The following MTAP variants were observed in gnomAD, a reference collection of about 807,000 sequenced individuals.
MTAP encodes the protein methylthioadenosine phosphorylase, also known as S-methyl-5'-thioadenosine phosphorylase.
In MTAP, 33 loss-of-function variants were observed where a neutral mutation model predicts 33.6. The observed-to-expected ratio is 0.98, with a 90% CI of 0.74 to 1.31. The LOEUF (loss-of-function observed/expected upper bound fraction) is 1.31. Among genes scored for constraint, MTAP ranks in the 40% most tolerant of loss-of-function variants. The probability of loss-of-function intolerance (pLI) is 0.00; values close to 1 mark genes in which losing one functional copy is unlikely to be tolerated. For missense variants in MTAP, 367 were observed against 360.0 expected, an observed-to-expected ratio of 1.02 and a Z score of -0.16; for synonymous variants, 148 against 125.7, an observed-to-expected ratio of 1.18 and a Z score of -1.19.
At chr9:21,852,064 TA>T (rs1825525081) in intron 5 of MTAP, among the ~76,000 whole-genome samples, 1 of 152,108 alleles carries the variant, frequency 6.6e-6, no homozygotes. Context: ...TACTTAGCCA[TA>T]AAAAAGAACA....
At chr9:21,938,060 C>G (rs1819068950), downstream of MTAP, among the ~76,000 whole-genome samples, 1 of 152,064 alleles carries the variant, frequency 6.6e-6, no homozygotes, top group African/African-American at 2.4e-5. Flanking sequence ...ATTGCCTGAG[C>G]TCAGGAGTTT....
At chr9:21,893,087 G>C (rs1818227131) in intron 1 of MTAP, 1 of 152,146 alleles carries the variant, frequency 6.6e-6, no homozygotes, top group African/African-American at 2.4e-5. Flanking sequence ...GAAAACAAAA[G>C]TACAACATAC....
chr9:21,905,151 G>C (rs1166522431), intron 1 of MTAP, among the ~76,000 whole-genome samples: 1 of 152,200 alleles, frequency 6.6e-6, no homozygotes, highest in Non-Finnish European at 1.5e-5. Flanking sequence ...AGGGTTTTCT[G>C]TATCCTGGGT....
At chr9:21,812,827 T>C (rs1400347914) in intron 1 of MTAP, among the ~76,000 whole-genome samples, 1 of 152,230 alleles carries the variant, frequency 6.6e-6, no homozygotes, top group Non-Finnish European at 1.5e-5. Context: ...GGGCACATCA[T>C]AGTGGTTAAG....
intron 4 of MTAP, among the ~76,000 whole-genome samples, chr9:21,818,890 T>G: frequency 6.6e-6 from 1 of 152,236 alleles, no homozygotes; most frequent in South Asian, 2.1e-4. Context: ...CCTGTCTAAC[T>G]GAAATTTTGT....
chr9:21,870,779 C>CTTT (rs777664959), downstream of MTAP, among the ~76,000 whole-genome samples: 4 of 131,028 alleles, frequency 3.1e-5, no homozygotes, highest in African/African-American at 5.6e-5. Flanking sequence ...ATTTTTTTTT[C>CTTT]TTTTTTTTTT....
At chr9:21,855,243 G>A (rs576761015) in intron 6 of MTAP, among the ~76,000 whole-genome samples, 1 of 152,306 alleles carries the variant, frequency 6.6e-6, no homozygotes, top group South Asian at 2.1e-4. Flanking sequence ...TGAGAGGGCT[G>A]TATGTTCACA....
At chr9:21,810,842 G>A (rs1824327978) in intron 1 of MTAP, among the ~76,000 whole-genome samples, 1 of 152,174 alleles carries the variant, frequency 6.6e-6, no homozygotes, top group Non-Finnish European at 1.5e-5. Flanking sequence ...GGGGTGTCTT[G>A]TCAGAGATGG....
downstream of MTAP, among the ~76,000 whole-genome samples, chr9:21,868,413 G>C: frequency 6.6e-6 from 1 of 152,148 alleles, no homozygotes; most frequent in East Asian, 1.9e-4. Flanking sequence ...ATACTTAAAT[G>C]GGTTAAGTAT....
chr9:21,827,257 C>A (rs1824845406), intron 4 of MTAP, among the ~76,000 whole-genome samples: 1 of 152,122 alleles, frequency 6.6e-6, no homozygotes, highest in Admixed American at 6.5e-5. Context: ...CATCCAATCA[C>A]CCTGCCTACC....
At chr9:21,876,524 C>T (rs184585361) in intron 1 of MTAP, among the ~76,000 whole-genome samples, 21 of 152,198 alleles carry the variant, frequency 1.4e-4, no homozygotes, top group African/African-American at 5.1e-4. Context: ...AGTCTTTAAT[C>T]CATCTTGAGT....
intron 2 of MTAP, among the ~76,000 whole-genome samples, chr9:21,815,918 G>A (rs113204768): frequency 3.2e-4 from 48 of 152,286 alleles, no homozygotes; most frequent in African/African-American, 4.6e-4. Context: ...TTATTGTTAC[G>A]AAGCGGCATT....
At chr9:21,830,891 C>T (rs1417132310) in intron 4 of MTAP, among the ~76,000 whole-genome samples, 1 of 152,180 alleles carries the variant, frequency 6.6e-6, no homozygotes, top group African/African-American at 2.4e-5. Flanking sequence ...CTCCCACACC[C>T]ACCGGACTTG....
chr9:21,910,152 T>C (rs906689053), intron 1 of MTAP, among the ~76,000 whole-genome samples: 2 of 152,132 alleles, frequency 1.3e-5, no homozygotes, highest in Non-Finnish European at 2.9e-5. Context: ...AAGAAGATAT[T>C]GTTTGAAAGG....
intron 1 of MTAP, among the ~76,000 whole-genome samples, chr9:21,920,027 A>T (rs568139011): frequency 1.3e-5 from 2 of 151,536 alleles, no homozygotes; most frequent in African/African-American, 4.9e-5. Flanking sequence ...AATGTATATG[A>T]TATTACATTA....
intron 1 of MTAP, among the ~76,000 whole-genome samples, chr9:21,887,561 G>A (rs564699165): frequency 2.3e-4 from 35 of 152,182 alleles, no homozygotes; most frequent in South Asian, 1.5e-3. Context: ...GAATAGTGCC[G>A]CAGTAAACAT....
chr9:21,839,091 C>G (rs1478101627), intron 5 of MTAP, among the ~76,000 whole-genome samples: 1 of 151,904 alleles, frequency 6.6e-6, no homozygotes, highest in Non-Finnish European at 1.5e-5. Flanking sequence ...GAATCTAAAA[C>G]CGAGTACTGA....
intron 6 of MTAP, among the ~76,000 whole-genome samples, chr9:21,858,172 C>G (rs756763373): frequency 1.3e-5 from 2 of 152,112 alleles, no homozygotes; most frequent in Non-Finnish European, 2.9e-5. Context: ...TAAGGAGAAA[C>G]GTACCTGTTT....
chr9:21,909,020 A>C (rs1818520970), intron 1 of MTAP, among the ~76,000 whole-genome samples: 1 of 152,074 alleles, frequency 6.6e-6, no homozygotes, highest in South Asian at 2.1e-4. Flanking sequence ...TAACAACAAA[A>C]TTTAAGAAGA....
Sources: gnomAD v4.1 joint callset for allele counts (sites outside exome capture counted in the v4.1 genomes callset) on GRCh38, gnomAD v4.1.1 for gene constraint, MANE v1.5 for transcripts, NCBI Gene and HGNC (gene_info 2026-07-23, HGNC 2026-07-21) for gene names.